NCOA2: variants seen among roughly 807,000 people sequenced by gnomAD.
The protein encoded by NCOA2 is nuclear receptor coactivator 2.
NCOA2 carries 21 observed loss-of-function variants against 145.1 expected under a neutral mutation model. The ratio of observed to expected loss-of-function variants is 0.14; its 90% CI spans 0.10 to 0.21. The LOEUF (loss-of-function observed/expected upper bound fraction) is 0.21. Among genes scored for constraint, NCOA2 ranks in the 10% least tolerant of loss-of-function variants. The pLI, the probability that NCOA2 is intolerant of heterozygous loss-of-function variation, is 1.00. For synonymous variants in NCOA2, 619 were observed against 637.5 expected (o/e 0.97, Z 0.44); for missense variants, 1,472 against 1,837.6 (o/e 0.80, Z 3.64).
At chr8:70,330,872 C>T (rs1307654069) in intron 1 of NCOA2, among the ~76,000 whole-genome samples, 2 of 152,112 alleles carry the variant, frequency 1.3e-5, no homozygotes, top group Non-Finnish European at 2.9e-5. Context: ...AATTCTAACA[C>T]CTACGAGCTG....
intron 12 of NCOA2, among the ~76,000 whole-genome samples, chr8:70,145,335 T>C (rs2958374): frequency 2.5e-4 from 1 of 4,070 alleles, no homozygotes; most frequent in Admixed American, 2.7e-3. Flanking sequence ...TTTTTTCTTT[T>C]TTTTTTTTGA....
chr8:70,435,943 TGC>T, the NCOA2 span, among the ~76,000 whole-genome samples: 7 of 152,026 alleles, frequency 4.6e-5, no homozygotes, highest in Non-Finnish European at 5.9e-5. Context: ...GGACTACAGG[TGC>T]GTGCCACGAC....
At chr8:70,145,632 T>G (rs1019925587) in intron 12 of NCOA2, among the ~76,000 whole-genome samples, 3 of 151,472 alleles carry the variant, frequency 2.0e-5, no homozygotes, top group Non-Finnish European at 4.4e-5. Flanking sequence ...TTTTTTTTTT[T>G]TTTTAATACA....
At chr8:70,214,898 T>C (rs979784994) in intron 3 of NCOA2, among the ~76,000 whole-genome samples, 3 of 152,170 alleles carry the variant, frequency 2.0e-5, no homozygotes, top group Non-Finnish European at 2.9e-5. Flanking sequence ...GAAAAGCAAG[T>C]TGCTTAATGT....
At chr8:70,419,658 T>C in the NCOA2 span, among the ~76,000 whole-genome samples, 1 of 152,158 alleles carries the variant, frequency 6.6e-6, no homozygotes, top group Non-Finnish European at 1.5e-5. Context: ...TACTTGCTTT[T>C]CATCTAACTC....
chr8:70,148,530 G>A (rs763424904), intron 11 of NCOA2, 47 bp from the exon 12 acceptor site: 2 of 1,566,822 alleles, frequency 1.3e-6, no homozygotes, highest in Non-Finnish European at 8.7e-7. Flanking sequence ...TCTAAGAGTA[G>A]ACACCACAAG....
At chr8:70,151,664 C>T (rs2132100855) in intron 11 of NCOA2, among the ~76,000 whole-genome samples, 1 of 152,284 alleles carries the variant, frequency 6.6e-6, no homozygotes, top group African/African-American at 2.4e-5. Context: ...AGGCTTAAAA[C>T]TATGAACACT....
intron 22 of NCOA2, among the ~76,000 whole-genome samples, chr8:70,116,899 G>A (rs1807205059): frequency 6.6e-6 from 1 of 152,184 alleles, no homozygotes; most frequent in African/African-American, 2.4e-5. Flanking sequence ...GTGTCGCCCA[G>A]GCTGGAGTGC....
intron 1 of NCOA2, among the ~76,000 whole-genome samples, chr8:70,299,841 C>T (rs1285513263): frequency 6.6e-6 from 1 of 152,156 alleles, no homozygotes; most frequent in Non-Finnish European, 1.5e-5. Context: ...TGGAAATGTT[C>T]ACAGCAGTTA....
chr8:70,309,101 A>C (rs561209314), intron 1 of NCOA2, among the ~76,000 whole-genome samples: 3 of 152,310 alleles, frequency 2.0e-5, no homozygotes, highest in South Asian at 2.1e-4. Flanking sequence ...CATACTATGA[A>C]GAAGCCCAAG....
chr8:70,297,608 C>T (rs1270456936), intron 1 of NCOA2, among the ~76,000 whole-genome samples: 2 of 152,218 alleles, frequency 1.3e-5, no homozygotes, highest in Non-Finnish European at 2.9e-5. Context: ...GCCAGGATTA[C>T]AGGTGTGAAC....
chr8:70,155,190 C>T (rs1406681840), intron 11 of NCOA2, among the ~76,000 whole-genome samples: 4 of 152,150 alleles, frequency 2.6e-5, no homozygotes, highest in African/African-American at 7.2e-5. Context: ...ATGGCTCAGA[C>T]GTACTAATAT....
intron 1 of NCOA2, among the ~76,000 whole-genome samples, chr8:70,370,151 C>G (rs1328612057): frequency 6.6e-6 from 1 of 152,056 alleles, no homozygotes; most frequent in African/African-American, 2.4e-5. Context: ...ACCCAAAGAG[C>G]TGGGATTACA....
At chr8:70,309,626 C>T (rs927385898) in intron 1 of NCOA2, among the ~76,000 whole-genome samples, 6 of 152,050 alleles carry the variant, frequency 3.9e-5, no homozygotes, top group Non-Finnish European at 4.4e-5. Context: ...TTTCTATATA[C>T]AGTACTTAAA....
chr8:70,412,145 G>A, the NCOA2 span, among the ~76,000 whole-genome samples: 1 of 152,082 alleles, frequency 6.6e-6, no homozygotes, highest in Non-Finnish European at 1.5e-5. Flanking sequence ...TTACAGCCCA[G>A]GCGTGGTGGC....
chr8:70,242,572 AATG>A (rs1822235392), intron 2 of NCOA2, among the ~76,000 whole-genome samples: 1 of 152,132 alleles, frequency 6.6e-6, no homozygotes, highest in South Asian at 2.1e-4. Context: ...TGCATTTCTG[AATG>A]ATAATTTTTA....
rs184062633 is a variant in NCOA2, at chr8:70,184,952, A to T, written c.260-10093T>A. On this transcript the variant is annotated intron_variant, in intron 4 of 22. Transcript: ENST00000452400. ...TGCCTAGGAATCCTCCCTGCTCCTC[A>T]CTTCCTTTTCACTGACATCTTGCTC... Among the ~76,000 whole-genome samples the T allele has an allele frequency of 3.3e-5, 5 of 152,092 alleles. No individual in the cohort carries two copies. In the East Asian group the frequency reaches 9.7e-4, roughly 29 times the overall value.
intron 1 of NCOA2, among the ~76,000 whole-genome samples, chr8:70,382,852 T>C (rs567817594): frequency 6.6e-6 from 1 of 152,226 alleles, no homozygotes; most frequent in Non-Finnish European, 1.5e-5. Context: ...TTAATAATAA[T>C]ACTTCGCAAT....
intron 4 of NCOA2, among the ~76,000 whole-genome samples, chr8:70,205,298 T>C (rs1024902082): frequency 6.6e-6 from 1 of 151,992 alleles, no homozygotes; most frequent in African/African-American, 2.4e-5. Context: ...GTATTTTGGA[T>C]AGGGAGGAAA....
Sources: allele counts gnomAD v4.1 joint callset (sites outside exome capture counted in the v4.1 genomes callset), GRCh38; gene constraint gnomAD v4.1.1; transcripts MANE v1.5; gene names NCBI Gene and HGNC (gene_info 2026-07-23, HGNC 2026-07-21).